The following APBA2 variants were observed in gnomAD, a reference collection of about 807,000 sequenced individuals.
APBA2 encodes amyloid-beta A4 precursor protein-binding family A member 2.
In APBA2, 30 loss-of-function variants were observed where a neutral mutation model predicts 75.0. That is an observed-to-expected ratio of 0.40 (90% CI 0.30 to 0.54). The LOEUF (loss-of-function observed/expected upper bound fraction) is 0.54, where lower values mean the gene tolerates loss of function less well. Ranked by LOEUF, APBA2 falls within the 20% of genes least tolerant of loss-of-function variation. The pLI is 0.49. For missense variants in APBA2, 801 were observed against 1,016.1 expected (o/e 0.79, Z 2.88); for synonymous variants, 444 against 409.6 (o/e 1.08, Z -1.01).
At chr15:29,040,828 C>A (rs575769569) in intron 3 of APBA2, among the ~76,000 whole-genome samples, 1 of 152,222 alleles carries the variant, frequency 6.6e-6, no homozygotes, top group South Asian at 2.1e-4. Flanking sequence ...CTGACTAATT[C>A]TTCAGTCAAT....
chr15:28,965,554 A>G (rs2036695923), intron 2 of APBA2, among the ~76,000 whole-genome samples: 2 of 152,332 alleles, frequency 1.3e-5, no homozygotes, highest in African/African-American at 4.8e-5. Flanking sequence ...CTGTCAGTCA[A>G]TTTAGGCAGA....
intron 3 of APBA2, among the ~76,000 whole-genome samples, chr15:29,044,895 CTG>C (rs2041227852): frequency 6.6e-6 from 1 of 152,108 alleles, no homozygotes; most frequent in Non-Finnish European, 1.5e-5. Flanking sequence ...GCTGGGAAGT[CTG>C]TGATCAAGGT....
At chr15:28,964,051 A>G (rs2036611064) in intron 2 of APBA2, among the ~76,000 whole-genome samples, 3 of 152,216 alleles carry the variant, frequency 2.0e-5, no homozygotes, top group Non-Finnish European at 4.4e-5. Context: ...TTCCTAACCT[A>G]TGGCAACCAC....
At chr15:28,984,546 C>G (rs2037795824) in intron 2 of APBA2, among the ~76,000 whole-genome samples, 1 of 152,024 alleles carries the variant, frequency 6.6e-6, no homozygotes, top group Non-Finnish European at 1.5e-5. Flanking sequence ...CCTTCCTGGT[C>G]CCGTTTCCAA....
chr15:29,116,980 T>A, intron 14 of APBA2, 82 bp from the exon 15 acceptor site: 1 of 1,441,964 alleles, frequency 6.9e-7, no homozygotes, highest in Non-Finnish European at 9.8e-7. Context: ...CTCTGGGGGG[T>A]TTGCCTCTGT....
intron 3 of APBA2, among the ~76,000 whole-genome samples, chr15:29,030,068 G>C (rs867414730): frequency 1.3e-5 from 2 of 152,312 alleles, no homozygotes; most frequent in Middle Eastern, 3.4e-3. Flanking sequence ...GAAGAACTAG[G>C]TGCCTCTGTG....
At chr15:28,993,274 T>C (rs1177832374) in intron 2 of APBA2, among the ~76,000 whole-genome samples, 2 of 152,136 alleles carry the variant, frequency 1.3e-5, no homozygotes, top group East Asian at 3.9e-4. Flanking sequence ...CATAGGTCAC[T>C]CGAATCACAC....
chr15:28,948,586 C>T (rs1002982181), intron 2 of APBA2, among the ~76,000 whole-genome samples: 16 of 152,188 alleles, frequency 1.1e-4, no homozygotes, highest in Non-Finnish European at 1.6e-4. Flanking sequence ...CCTTTGCTTA[C>T]GGCTACGCCC....
chr15:29,010,929 T>C (rs1224636868), intron 3 of APBA2, among the ~76,000 whole-genome samples: 1 of 152,186 alleles, frequency 6.6e-6, no homozygotes, highest in Non-Finnish European at 1.5e-5. Context: ...GTTAAGTAAA[T>C]TCATAATGTT....
chr15:29,045,644 T>C (rs1171027330), intron 3 of APBA2, among the ~76,000 whole-genome samples: 1 of 152,070 alleles, frequency 6.6e-6, no homozygotes, highest in Admixed American at 6.6e-5. Flanking sequence ...GAGAACAACA[T>C]GGATTTGTGT....
intron 3 of APBA2, among the ~76,000 whole-genome samples, 197 bp downstream of exon 3, chr15:28,996,003 G>A (rs1389907148): frequency 6.6e-6 from 1 of 152,070 alleles, no homozygotes; most frequent in Non-Finnish European, 1.5e-5. Context: ...AGGAGTGGAT[G>A]GACACTGGGG....
At chr15:28,947,468 C>T (rs1004782200) in intron 2 of APBA2, among the ~76,000 whole-genome samples, 1 of 152,186 alleles carries the variant, frequency 6.6e-6, no homozygotes, top group Non-Finnish European at 1.5e-5. Flanking sequence ...CCTGTCCTGG[C>T]CTGACCTGTC....
intron 1 of APBA2, among the ~76,000 whole-genome samples, chr15:28,890,154 T>G (rs1196034344): frequency 6.6e-6 from 1 of 152,184 alleles, no homozygotes; most frequent in Non-Finnish European, 1.5e-5. Context: ...CCTCCTGGCA[T>G]GTAGCACAGA....
chr15:29,035,280 C>G (rs949875985), intron 3 of APBA2, among the ~76,000 whole-genome samples: 1 of 152,074 alleles, frequency 6.6e-6, no homozygotes, highest in Non-Finnish European at 1.5e-5. Context: ...TGATTGCAAT[C>G]GTGGGGTCAT....
intron 4 of APBA2, among the ~76,000 whole-genome samples, chr15:29,055,409 G>A (rs2041838834): frequency 1.3e-5 from 2 of 152,176 alleles, no homozygotes; most frequent in Non-Finnish European, 2.9e-5. Context: ...ACAAAACCTC[G>A]GGGAAGAAAC....
chr15:28,988,851 G>A (rs1459113329), intron 2 of APBA2, among the ~76,000 whole-genome samples: 4 of 152,160 alleles, frequency 2.6e-5, no homozygotes, highest in African/African-American at 7.2e-5. Context: ...ATCTTCAAAC[G>A]TACTAGAAAC....
At chr15:29,084,264 ATTAC>A (rs985111241) in intron 6 of APBA2, among the ~76,000 whole-genome samples, 3 of 152,152 alleles carry the variant, frequency 2.0e-5, no homozygotes, top group Non-Finnish European at 2.9e-5. Flanking sequence ...CTTGTTTTCT[ATTAC>A]TTCTTCTTGC....
intron 2 of APBA2, among the ~76,000 whole-genome samples, chr15:28,922,371 C>T (rs1021807833): frequency 4.6e-5 from 7 of 152,220 alleles, no homozygotes; most frequent in Admixed American, 3.9e-4. Flanking sequence ...GCCCAAGACA[C>T]TGGTGGCCAC....
chr15:28,902,086 G>A (rs1019069765), intron 1 of APBA2, among the ~76,000 whole-genome samples: 1 of 151,716 alleles, frequency 6.6e-6, no homozygotes, highest in Non-Finnish European at 1.5e-5. Context: ...GTAAAGGGGG[G>A]TGCATTTCCA....
Sources: gnomAD v4.1 joint callset for allele counts (sites outside exome capture counted in the v4.1 genomes callset) on GRCh38, gnomAD v4.1.1 for gene constraint, MANE v1.5 for transcripts, NCBI Gene and HGNC (gene_info 2026-07-23, HGNC 2026-07-21) for gene names.